The following CSMD3 variants were observed in gnomAD, a reference collection of about 807,000 sequenced individuals.
CSMD3 encodes the protein CUB and sushi domain-containing protein 3.
In CSMD3, 177 loss-of-function variants were observed where a neutral mutation model predicts 435.2. That is an observed-to-expected ratio of 0.41 (90% CI 0.36 to 0.46). CSMD3 has a LOEUF of 0.46. CSMD3 is among the 20% of genes least tolerant of loss of function. CSMD3 has a pLI of 0.34. For missense variants in CSMD3, 4,265 were observed against 4,504.6 expected (o/e 0.95, Z 1.52); for synonymous variants, 1,656 against 1,520.5 (o/e 1.09, Z -2.07).
At chr8:113,219,249 A>C (rs1214821081) in intron 3 of CSMD3, among the ~76,000 whole-genome samples, 2 of 151,438 alleles carry the variant, frequency 1.3e-5, no homozygotes, top group African/African-American at 4.8e-5. Flanking sequence ...CAGGAAAAGG[A>C]AACTGAAGAA....
chr8:112,500,904 T>TAAG (rs35750677), intron 30 of CSMD3, among the ~76,000 whole-genome samples: 121,278 of 151,722 alleles, frequency 0.8, 48,822 homozygotes, highest in African/African-American at 0.88. Flanking sequence ...TCCTTTTGCA[T>TAAG]AAGATTAGGG....
intron 13 of CSMD3, among the ~76,000 whole-genome samples, chr8:112,765,874 T>C (rs937987308): frequency 1.3e-5 from 2 of 151,730 alleles, no homozygotes; most frequent in Non-Finnish European, 3.0e-5. Context: ...CTGACTCTAA[T>C]ATATAATAAT....
intron 7 of CSMD3, among the ~76,000 whole-genome samples, chr8:112,962,977 G>T (rs1008617037): frequency 1.2e-4 from 18 of 151,966 alleles, no homozygotes; most frequent in Non-Finnish European, 4.4e-5. Context: ...AGTTTAACAA[G>T]ATCCCCAGGT....
intron 7 of CSMD3, among the ~76,000 whole-genome samples, chr8:112,957,066 TAATA>T (rs2084045542): frequency 6.6e-6 from 1 of 152,036 alleles, no homozygotes; most frequent in Admixed American, 6.6e-5. Flanking sequence ...GTATATCTCC[TAATA>T]AATAAATTAA....
At chr8:113,325,600 C>A (rs376584480) in intron 1 of CSMD3, among the ~76,000 whole-genome samples, 173 of 152,188 alleles carry the variant, frequency 1.1e-3, no homozygotes, top group African/African-American at 3.8e-3. Context: ...ACTAATACAG[C>A]CTTACACTCA....
In CSMD3 at chr8:113,241,183, C is replaced by T. The variant is rs184560057; in HGVS notation, c.514+37409G>A. Among the ~76,000 whole-genome samples the T allele has an allele frequency of 1.2e-3, 188 of 152,132 alleles. 1 individual carries two copies. Among genetic ancestry groups the T allele is most frequent in the African/African-American group, 4.3e-3 (180 of 41,520 alleles). ...TCTAAAATGCTGGGACATTTCTAAT[C>T]TCAAATAAGAATAACAAGAAGAAAA... On this transcript the variant is annotated intron_variant, in intron 3 of 70. Transcript: ENST00000297405.
intron 3 of CSMD3, among the ~76,000 whole-genome samples, chr8:113,268,835 G>A (rs921057329): frequency 6.6e-6 from 1 of 151,980 alleles, no homozygotes; most frequent in East Asian, 1.9e-4. Flanking sequence ...AGCTTTTATA[G>A]TCAAGAGGTC....
At chr8:112,530,234 T>C (rs1825391012) in intron 27 of CSMD3, among the ~76,000 whole-genome samples, 1 of 152,140 alleles carries the variant, frequency 6.6e-6, no homozygotes, top group African/African-American at 2.4e-5. Context: ...CAGGACAGTT[T>C]ACTCAAATAA....
At chr8:112,596,028 A>G (rs1241688825) in intron 22 of CSMD3, among the ~76,000 whole-genome samples, 1 of 149,652 alleles carries the variant, frequency 6.7e-6, no homozygotes, top group African/African-American at 2.5e-5. Context: ...TTAACTTTAA[A>G]TGTAAATGGA....
intron 7 of CSMD3, among the ~76,000 whole-genome samples, chr8:112,967,358 G>T: frequency 6.6e-6 from 1 of 151,754 alleles, no homozygotes; most frequent in East Asian, 1.9e-4. Context: ...CATTTTTGAG[G>T]CCTAAAAGCC....
intron 5 of CSMD3, among the ~76,000 whole-genome samples, chr8:113,036,882 T>C (rs10090675): frequency 9.2e-4 from 140 of 152,222 alleles, no homozygotes; most frequent in Admixed American, 1.5e-3. Context: ...TTACATAAAG[T>C]CTTTACCAAA....
chr8:112,648,735 G>T (rs2075047450), intron 19 of CSMD3, among the ~76,000 whole-genome samples: 1 of 152,052 alleles, frequency 6.6e-6, no homozygotes, highest in Non-Finnish European at 1.5e-5. Context: ...TATCTTCCTG[G>T]TTCTTATAAT....
chr8:113,307,246 T>C (rs935876900), intron 2 of CSMD3, among the ~76,000 whole-genome samples: 1 of 152,128 alleles, frequency 6.6e-6, no homozygotes, highest in African/African-American at 2.4e-5. Flanking sequence ...CATGCTTTAT[T>C]ATAATTGTGT....
intron 11 of CSMD3, among the ~76,000 whole-genome samples, chr8:112,846,991 C>A (rs1564020078): frequency 6.6e-6 from 1 of 151,958 alleles, no homozygotes; most frequent in African/African-American, 2.4e-5. Flanking sequence ...GCTTGGGGAA[C>A]CTTGTAGTTG....
At chr8:112,644,312 T>C (rs1456764886) in intron 20 of CSMD3, among the ~76,000 whole-genome samples, 1 of 151,940 alleles carries the variant, frequency 6.6e-6, no homozygotes, top group Admixed American at 6.6e-5. Flanking sequence ...AAATGGATGG[T>C]AAATTAAACA....
At chr8:112,344,934 A>G (rs1825519807) in intron 41 of CSMD3, among the ~76,000 whole-genome samples, 1 of 152,166 alleles carries the variant, frequency 6.6e-6, no homozygotes, top group South Asian at 2.1e-4. Context: ...CTAGAAAATA[A>G]TAACTGTACT....
intron 1 of CSMD3, among the ~76,000 whole-genome samples, chr8:113,359,371 GT>G (rs1435749304): frequency 6.6e-6 from 1 of 152,190 alleles, no homozygotes. Context: ...AAGTAGGTGG[GT>G]GGTTTAATTG....
At chr8:112,708,482 G>A (rs974882332) in intron 13 of CSMD3, among the ~76,000 whole-genome samples, 2 of 151,788 alleles carry the variant, frequency 1.3e-5, no homozygotes, top group Admixed American at 6.6e-5. Flanking sequence ...AATTAAAGGA[G>A]CACAAAATAA....
At chr8:112,569,877 C>T (rs185665961) in intron 24 of CSMD3, among the ~76,000 whole-genome samples, 9 of 152,260 alleles carry the variant, frequency 5.9e-5, no homozygotes, top group South Asian at 2.1e-4. Context: ...ACCTTTAATA[C>T]GCCCTCCTTT....
Sources: allele counts gnomAD v4.1 joint callset (sites outside exome capture counted in the v4.1 genomes callset), GRCh38; gene constraint gnomAD v4.1.1; transcripts MANE v1.5; gene names NCBI Gene and HGNC (gene_info 2026-07-23, HGNC 2026-07-21).